Variants in CHCHD5 observed in about 807,000 individuals in gnomAD.
CHCHD5 encodes coiled-coil-helix-coiled-coil-helix domain-containing protein 5.
A neutral mutation model predicts 16.0 loss-of-function variants in CHCHD5; 10 were observed. That is an observed-to-expected ratio of 0.63 (90% confidence interval 0.39 to 1.06). CHCHD5 has a LOEUF of 1.06. CHCHD5 is among the 50% of genes least tolerant of loss of function. The pLI, the probability that CHCHD5 is intolerant of heterozygous loss-of-function variation, is 0.01. For missense variants in CHCHD5, 163 were observed against 153.4 expected (o/e 1.06, Z -0.33); for synonymous variants, 55 against 56.3 (o/e 0.98, Z 0.10).
At position 112,584,630 on chromosome 2, in the gene CHCHD5, G is replaced by T; in HGVS notation, c.-18G>T. The T allele has an allele frequency of 6.2e-7, 1 of 1,612,054 alleles. No homozygotes were observed. Reference sequence around the variant, plus strand: ...GGTCGTTCCCCCCGGACAGCCCTACGCCGGCAAAGGTCTCGAGATGTGAGT... The same window carrying T: ...GGTCGTTCCCCCCGGACAGCCCTACTCCGGCAAAGGTCTCGAGATGTGAGT... On this transcript the variant is annotated 5_prime_UTR_variant, in exon 1 of 4. Transcript: ENST00000324913.
Position 112,586,069 on chromosome 2 carries a change from A to C in CHCHD5, c.98A>C (p.Asp33Ala), listed in dbSNP as rs767512684. Residue 33 changes from aspartate to alanine, a missense_variant, in exon 2 of 4, where the codon GAC becomes GCC. Physicochemically the swap from Asp to Ala is moderately radical, Grantham distance 126 (BLOSUM62 -2). Coordinates refer to ENST00000324913, the MANE Select transcript of CHCHD5 (RefSeq NM_032309.4). ...GCCAAGCCGGAATCCTGGCAGCGGG[A>C]CTGTCACTACCTTAAGATGAGCATT... Reference protein sequence around the residue: ...VAAKPESWQRDCHYLKMSIAQ... With the variant: ...VAAKPESWQRACHYLKMSIAQ... 3.7e-6 allele frequency: 6 copies of C among 1,614,002 alleles called. No individual in the cohort carries two copies.
chr2:112,587,809 C>T (rs1357955607), intron 3 of CHCHD5: 1 of 152,226 alleles, frequency 6.6e-6, no homozygotes, highest in Non-Finnish European at 1.5e-5. Context: ...TGTTCTCAGT[C>T]AGCTGCTGGG....
Position 112,586,123 on chromosome 2 carries a change from G to A in CHCHD5, c.143+9G>A, listed in dbSNP as rs777363594. 37 of 1,613,908 alleles carry A rather than the reference G, an allele frequency of 2.3e-5. No individual in the cohort carries two copies. The highest frequency in any genetic ancestry group is 2.7e-5 in the African/African-American group (2 of 74,930). ...CAGTGCACATCCTCCCAGTGAGTGCGGGCAAGTATGAGACAGTGTGGGGGG... is the reference window on the plus strand; with the variant it reads ...CAGTGCACATCCTCCCAGTGAGTGCAGGCAAGTATGAGACAGTGTGGGGGG... On this transcript the variant is annotated intron_variant, in intron 2 of 3. Coordinates refer to ENST00000324913, the MANE Select transcript of CHCHD5 (RefSeq NM_032309.4).
At chr2:112,586,412 C>T in intron 3 of CHCHD5, 47 bp downstream of exon 3, 1 of 1,613,274 alleles carries the variant, frequency 6.2e-7, no homozygotes, top group East Asian at 2.2e-5. Context: ...ATAACATCCC[C>T]TTCATCCTTC....
chr2:112,588,876 T>TTCCTG lies in CHCHD5; in HGVS notation c.321_325dup (p.Ala109ValfsTer17), dbSNP rs766609621. ...GTACTTTCTCCACAGGCACAGCCAC[T>TTCCTG]TCCTGCCTCCTGAGGACTCCTCTGA... On this transcript the variant is annotated frameshift_variant, in exon 4 of 4. Transcript: ENST00000324913. LOFTEE classifies it high-confidence loss of function. 2.2e-5 allele frequency: 35 copies of TTCCTG among 1,611,908 alleles called. No homozygotes were observed. The highest frequency in any genetic ancestry group is 2.8e-5 in the Non-Finnish European group (33 of 1,178,406).
rs1685305643 is a variant in CHCHD5 at position 112,588,981 on chromosome 2, C to A, written c.*92C>A. 1.1e-6 allele frequency: 1 copy of A among 921,096 alleles called. No individual in the cohort carries two copies. 57.1% of individuals were successfully genotyped at this position (921,096 alleles called of 1,614,324 possible). A position where few individuals can be genotyped will look rare whatever the true frequency, so the allele number is the denominator to read the frequency against. On this transcript the variant is annotated 3_prime_UTR_variant, in exon 4 of 4. Coordinates refer to ENST00000324913, the MANE Select transcript of CHCHD5 (RefSeq NM_032309.4). ...GCCAGATGGAGTCCTGAGCCCTGGA[C>A]ATGGGCCCGGCTTTCCTGGATATCA...
chr2:112,586,562 C>T (rs1423201511), intron 3 of CHCHD5, 197 bp downstream of exon 3: 1 of 1,522,646 alleles, frequency 6.6e-7, no homozygotes, highest in Non-Finnish European at 8.9e-7. Flanking sequence ...ACCACCCTCA[C>T]CCTCCACCTC....
chr2:112,589,018 A>G lies in CHCHD5; in HGVS notation c.*129A>G, dbSNP rs1685306847. Reference sequence around the variant, plus strand: ...TTTCCTGGATATCAGGACTTCCAATAAATAAAGACTCTGTATACTGGGCTT... The same window carrying G: ...TTTCCTGGATATCAGGACTTCCAATGAATAAAGACTCTGTATACTGGGCTT... On this transcript the variant is annotated 3_prime_UTR_variant, in exon 4 of 4. Transcript: ENST00000324913. The G allele has an allele frequency of 7.3e-6, 5 of 689,468 alleles. No homozygotes were observed. In the Middle Eastern group the frequency reaches 9.7e-4, roughly 134 times the overall value. The allele number at this position is 689,468 out of a possible 1,614,324, so 42.7% of individuals were successfully genotyped here.
At position 112,588,978 on chromosome 2, in the gene CHCHD5, G is replaced by A. The variant is rs1236672524; in HGVS notation, c.*89G>A. 9 of 951,406 alleles carry A rather than the reference G, an allele frequency of 9.5e-6. No homozygotes were observed. Among genetic ancestry groups the A allele is most frequent in the Non-Finnish European group, 1.5e-5 (9 of 590,382 alleles). 58.9% of individuals were successfully genotyped at this position (951,406 alleles called of 1,614,324 possible). On this transcript the variant is annotated 3_prime_UTR_variant, in exon 4 of 4. Transcript: ENST00000324913. Reference sequence around the variant, plus strand: ...GTGGCCAGATGGAGTCCTGAGCCCTGGACATGGGCCCGGCTTTCCTGGATA... The same window carrying A: ...GTGGCCAGATGGAGTCCTGAGCCCTAGACATGGGCCCGGCTTTCCTGGATA...
intron 3 of CHCHD5, chr2:112,588,570 AT>A: frequency 2.4e-6 from 1 of 417,204 alleles, no homozygotes; most frequent in Non-Finnish European, 4.3e-6. Context: ...TCTTCATCGA[AT>A]TTCTTGGATG....
chr2:112,588,604 C>A, intron 3 of CHCHD5: 1 of 497,400 alleles, frequency 2.0e-6, no homozygotes, highest in Middle Eastern at 5.3e-4. Flanking sequence ...TTGTCCGTCT[C>A]TCCCTGCTTG....
intron 2 of CHCHD5, 29 bp downstream of exon 2, chr2:112,586,143 G>T (rs373521228): frequency 2.5e-6 from 4 of 1,611,580 alleles, no homozygotes; most frequent in African/African-American, 2.7e-5. Flanking sequence ...GAGACAGTGT[G>T]GGGGGTGGGC....
chr2:112,586,017 C>T lies in CHCHD5; in HGVS notation c.46C>T (p.Leu16=). ...EVTARYCGRE[L]EQYGQCVAAK... ...CACCGCTCGCTACTGTGGCCGGGAG[C>T]TGGAGCAGTATGGCCAGTGTGTGGC... Residue 16 remains leucine (L), a synonymous_variant, in exon 2 of 4, where the codon CTG becomes TTG. Transcript: ENST00000324913. The T allele has an allele frequency of 6.2e-7, 1 of 1,614,274 alleles. No homozygotes were observed. Among genetic ancestry groups the T allele is most frequent in the South Asian group, 1.1e-5 (1 of 91,092 alleles).
In CHCHD5 at chr2:112,586,369, A is replaced by T. The variant is rs754654898; in HGVS notation, c.309+4A>T. ...ACGCTCACCTGCAACTGTGGAGGTAAGAGGGGCTCACCTCAGTTCATCTCT... is the reference window on the plus strand; with the variant it reads ...ACGCTCACCTGCAACTGTGGAGGTATGAGGGGCTCACCTCAGTTCATCTCT... On this transcript the variant is annotated splice_donor_region_variant and intron_variant, in intron 3 of 3. Transcript: ENST00000324913. 2.9e-5 allele frequency: 46 copies of T among 1,613,626 alleles called. No individual in the cohort carries two copies. Among genetic ancestry groups the T allele is most frequent in the Non-Finnish European group, 3.6e-5 (43 of 1,180,044 alleles).
At chr2:112,587,902 T>C (rs1408129911) in intron 3 of CHCHD5, 1 of 152,168 alleles carries the variant, frequency 6.6e-6, no homozygotes, top group Non-Finnish European at 1.5e-5. Flanking sequence ...GCTGCTTCCC[T>C]CCCTGGACCA....
chr2:112,584,476 C>T (rs1685137801), upstream of CHCHD5: 5 of 738,952 alleles, frequency 6.8e-6, no homozygotes, highest in Admixed American at 9.6e-5. Flanking sequence ...CGAGCCGGGC[C>T]GGAAGAAGAG....
At chr2:112,588,838 A>G (rs1558674514) in intron 3 of CHCHD5, 28 bp from the exon 4 acceptor site, 2 of 1,595,574 alleles carry the variant, frequency 1.3e-6, no homozygotes, top group East Asian at 2.2e-5. Flanking sequence ...AGGAGGTGCT[A>G]CTAGATGTTG....
At position 112,586,458 on chromosome 2, in the gene CHCHD5, A is replaced by G. The variant is rs552369739; in HGVS notation, c.309+93A>G. On this transcript the variant is annotated intron_variant, in intron 3 of 3. Transcript: ENST00000324913. ...GGGTAAAGACTTTGGAGTCATCCTC[A>G]GCCCCACCCCATCACCACACAGGCC... 1.9e-6 allele frequency: 3 copies of G among 1,583,078 alleles called. No homozygotes were observed. The South Asian group carries it at 3.4e-5, about 18-fold the overall frequency.
chr2:112,584,628 A>AT lies in CHCHD5; in HGVS notation c.-20_-19insT. ...CGGGTCGTTCCCCCCGGACAGCCCT[A>AT]CGCCGGCAAAGGTCTCGAGATGTGA... is the stretch of plus-strand genomic sequence containing the variant. On this transcript the variant is annotated 5_prime_UTR_variant, in exon 1 of 4. Transcript: ENST00000324913. 2 of 1,612,090 alleles carry AT rather than the reference A, an allele frequency of 1.2e-6. No homozygotes were observed. Among genetic ancestry groups the AT allele is most frequent in the African/African-American group, 2.7e-5 (2 of 75,052 alleles).
Sources: allele counts gnomAD v4.1 joint callset, GRCh38; gene constraint gnomAD v4.1.1; transcripts MANE v1.5; gene names NCBI Gene and HGNC (gene_info 2026-07-23, HGNC 2026-07-21).